Variants in DDX25 observed in about 807,000 individuals in gnomAD.
DDX25 encodes DEAD-box helicase 25.
DDX25 carries 70 observed loss-of-function variants against 64.6 expected under a neutral mutation model. That is an observed-to-expected ratio of 1.08 (90% CI 0.89 to 1.32). The LOEUF (loss-of-function observed/expected upper bound fraction) is 1.32. Among genes scored for constraint, DDX25 ranks in the 40% most tolerant of loss-of-function variants. The pLI, the probability that DDX25 is intolerant of heterozygous loss-of-function variation, is 0.00. For synonymous variants in DDX25, 211 were observed against 213.3 expected (o/e 0.99, Z 0.09); for missense variants, 587 against 604.4 (o/e 0.97, Z 0.30).
rs1409161084 is a variant in DDX25 at position 125,925,526 on chromosome 11, C to T, written c.*2645C>T. ...ATGGCCTGGCCAAGGTCATCTCTCT[C>T]AGTGCCTGCCTGAGGACAGAGTAGA... is the stretch of plus-strand genomic sequence containing the variant. On this transcript the variant is annotated 3_prime_UTR_variant, in exon 12 of 12. Transcript: ENST00000263576. 4.4e-6 allele frequency: 2 copies of T among 455,126 alleles called. No homozygotes were observed. The highest frequency in any genetic ancestry group is 4.7e-5 in the Admixed American group (2 of 42,534). 28.2% of individuals were successfully genotyped at this position (455,126 alleles called of 1,614,324 possible). A position where few individuals can be genotyped will look rare whatever the true frequency, so the allele number is the denominator to read the frequency against.
intron 10 of DDX25, among the ~76,000 whole-genome samples, chr11:125,919,338 T>C (rs1945081240): frequency 6.6e-6 from 1 of 152,174 alleles, no homozygotes; most frequent in Non-Finnish European, 1.5e-5. Context: ...CTATGATAGG[T>C]GTGCGTTTAG....
At chr11:125,918,814 G>C (rs544176345) in intron 10 of DDX25, 24 bp downstream of exon 10, 4 of 1,541,640 alleles carry the variant, frequency 2.6e-6, no homozygotes, top group Non-Finnish European at 3.5e-6. Flanking sequence ...GTCAGGTCTT[G>C]AGTTCTAATT....
intron 8 of DDX25, among the ~76,000 whole-genome samples, chr11:125,915,180 G>C (rs533684235): frequency 1.3e-5 from 2 of 152,278 alleles, no homozygotes; most frequent in East Asian, 3.9e-4. Context: ...ATTAGATAGA[G>C]CATTTATGTT....
At chr11:125,906,336 T>G in intron 4 of DDX25, 127 bp downstream of exon 4, 1 of 1,248,950 alleles carries the variant, frequency 8.0e-7, no homozygotes, top group Non-Finnish European at 1.1e-6. Context: ...TTTTTGTTAT[T>G]TGAGACAGAG....
rs1945149372 is a variant in DDX25 at position 125,924,297 on chromosome 11, C to G, written c.*1416C>G. The G allele has an allele frequency of 6.6e-6, 1 of 152,170 alleles. No homozygotes were observed. 9.4% of individuals were successfully genotyped at this position (152,170 alleles called of 1,614,324 possible). Reference sequence around the variant, plus strand: ...AAACGCGCTCCCCTCCCTCATTTAGCAACAGATATTTATTGTATACCCTTT... The same window carrying G: ...AAACGCGCTCCCCTCCCTCATTTAGGAACAGATATTTATTGTATACCCTTT... On this transcript the variant is annotated 3_prime_UTR_variant, in exon 12 of 12. Coordinates refer to ENST00000263576, the MANE Select transcript of DDX25 (RefSeq NM_013264.5).
In DDX25 at chr11:125,906,169, T is replaced by C; in HGVS notation, c.271T>C (p.Ser91Pro). Residue 91 changes from serine to proline, a missense_variant, in exon 4 of 12, where the codon TCT becomes CCT. By Grantham distance (74) the Ser-to-Pro change is moderately conservative. Transcript: ENST00000263576. ...GGAAGTTTTACAGAAGGATCCCAGC[T>C]CTCCACTTTACTCAGTAAAGACATT... ...RVEVLQKDPS[S>P]PLYSVKTFEE... The C allele has an allele frequency of 6.4e-7, 1 of 1,551,004 alleles. No individual in the cohort carries two copies. Among genetic ancestry groups the C allele is most frequent in the Non-Finnish European group, 8.7e-7 (1 of 1,146,790 alleles).
chr11:125,917,054 A>G lies in DDX25; in HGVS notation c.841A>G (p.Thr281Ala). 1 of 1,607,880 alleles carries G rather than the reference A, an allele frequency of 6.2e-7. No homozygotes were observed. Among genetic ancestry groups the G allele is most frequent in the Non-Finnish European group, 8.5e-7 (1 of 1,177,506 alleles). ...ATGCCAAATGCTCCTCTTTTCAGCA[A>G]CCTTTGAGGACTCTGTGTGGCACTT... ...SECQMLLFSATFEDSVWHFAE... is the reference protein window; with the variant it reads ...SECQMLLFSAAFEDSVWHFAE... The change falls in exon 9 of 12, where the codon ACC becomes GCC. Residue 281 changes from threonine (T) to alanine (A), a missense_variant. By Grantham distance (58) the Thr-to-Ala change is moderately conservative. Coordinates refer to ENST00000263576, the MANE Select transcript of DDX25 (RefSeq NM_013264.5).
chr11:125,911,670 C>T (rs1944970758), intron 8 of DDX25, among the ~76,000 whole-genome samples, 182 bp downstream of exon 8: 1 of 152,198 alleles, frequency 6.6e-6, no homozygotes, highest in African/African-American at 2.4e-5. Flanking sequence ...AGTTTTCCAG[C>T]TTCTTCAGTT....
At chr11:125,914,561 G>C (rs937748886) in intron 8 of DDX25, among the ~76,000 whole-genome samples, 4 of 152,152 alleles carry the variant, frequency 2.6e-5, no homozygotes, top group Non-Finnish European at 4.4e-5. Context: ...ACCTAAAGTA[G>C]GGGGATCCAC....
chr11:125,908,645 T>C lies in DDX25; in HGVS notation c.507+142T>C, dbSNP rs1038662103. ...CATGTTTTCATAAAATCATAGAGCA[T>C]TGGGTAGCAGCATGGGACAGTGATG... On this transcript the variant is annotated intron_variant, in intron 6 of 11. Coordinates refer to ENST00000263576, the MANE Select transcript of DDX25 (RefSeq NM_013264.5). 6.6e-6 allele frequency: 6 copies of C among 915,050 alleles called. No individual in the cohort carries two copies. The Admixed American group carries it at 1.1e-4, about 17-fold the overall frequency. The allele number at this position is 915,050 out of a possible 1,614,324, so 56.7% of individuals were successfully genotyped here.
Position 125,908,205 on chromosome 11 carries a change from G to A in DDX25, c.321G>A (p.Glu107=). The part of the protein sequence containing the change: ...KTFEELRLKE[E]LLKGIYAMGF... ...TTTTTTTTTTTGACAGAAAGGAAGA[G>A]TTACTAAAAGGAATCTATGCAATGG... is the stretch of plus-strand genomic sequence containing the variant. Residue 107 remains glutamate, a synonymous_variant, in exon 5 of 12, where the codon GAG becomes GAA. Transcript: ENST00000263576. The A allele has an allele frequency of 6.2e-7, 1 of 1,603,278 alleles. No homozygotes were observed. The highest frequency in any genetic ancestry group is 8.5e-7 in the Non-Finnish European group (1 of 1,174,840).
In DDX25 at chr11:125,921,483, G is replaced by A. The variant is rs141403895; in HGVS notation, c.1390+104G>A. On this transcript the variant is annotated intron_variant, in intron 11 of 11. Transcript: ENST00000263576. This position sits in a 1 kb window ranked among gnomAD's most constrained non-coding sequence, Gnocchi z 4.1. Reference sequence around the variant, plus strand: ...CCAGGGGCTCATGAGAGTAGTAGAAGCAGAATGCATGAGCTGGAAGGCTTC... The same window carrying A: ...CCAGGGGCTCATGAGAGTAGTAGAAACAGAATGCATGAGCTGGAAGGCTTC... 72 of 1,331,250 alleles carry A rather than the reference G, an allele frequency of 5.4e-5. No individual in the cohort carries two copies. The highest frequency in any genetic ancestry group is 7.0e-5 in the Non-Finnish European group (69 of 990,544). 82.5% of individuals were successfully genotyped at this position (1,331,250 alleles called of 1,614,324 possible). A position where few individuals can be genotyped will look rare whatever the true frequency, so the allele number is the denominator to read the frequency against.
At chr11:125,907,120 G>A (rs182534845) in intron 4 of DDX25, among the ~76,000 whole-genome samples, 70 of 152,140 alleles carry the variant, frequency 4.6e-4, no homozygotes, top group Middle Eastern at 3.4e-3. Flanking sequence ...CATTCCCTAG[G>A]GATTTATCAT....
intron 5 of DDX25, 23 bp downstream of exon 5, chr11:125,908,311 T>G (rs955183887): frequency 1.1e-5 from 18 of 1,613,104 alleles, no homozygotes; most frequent in Non-Finnish European, 1.4e-5. Context: ...GGTAGTGGTA[T>G]TCTACTTGGT....
chr11:125,906,315 T>C, intron 4 of DDX25, 106 bp downstream of exon 4: 1 of 1,255,836 alleles, frequency 8.0e-7, no homozygotes, highest in African/African-American at 2.0e-5. Flanking sequence ...TTTTCTGATA[T>C]TCAATATTTT....
chr11:125,912,790 T>A (rs1380990396), intron 8 of DDX25, among the ~76,000 whole-genome samples: 3 of 152,288 alleles, frequency 2.0e-5, no homozygotes, highest in Non-Finnish European at 2.9e-5. Flanking sequence ...GATCTTTAAT[T>A]TTCCCTTAGC....
chr11:125,915,029 A>C (rs756427845), intron 8 of DDX25, among the ~76,000 whole-genome samples: 13 of 152,210 alleles, frequency 8.5e-5, no homozygotes, highest in Non-Finnish European at 1.5e-4. Context: ...GCCAGGTCTC[A>C]AGTTCCTGGC....
chr11:125,905,466 G>A, intron 2 of DDX25, 87 bp from the exon 3 acceptor site: 1 of 1,435,658 alleles, frequency 7.0e-7, no homozygotes, highest in Non-Finnish European at 9.6e-7. Flanking sequence ...ACACTGAAGA[G>A]TCAGGAAGAA....
Position 125,908,251 on chromosome 11 carries a change from A to G in DDX25, c.367A>G (p.Ile123Val). The change falls in exon 5 of 12, where the codon ATC becomes GTC. Residue 123 changes from isoleucine (I) to valine (V), a missense_variant. Transcript: ENST00000263576. ...YAMGFNRPSK[I>V]QEMALPMMLA... Reference sequence around the variant, plus strand: ...AATGGGATTTAATAGGCCATCTAAAATCCAAGAGATGGCTCTCCCTATGAT... The same window carrying G: ...AATGGGATTTAATAGGCCATCTAAAGTCCAAGAGATGGCTCTCCCTATGAT... 2 of 1,613,606 alleles carry G rather than the reference A, an allele frequency of 1.2e-6. No homozygotes were observed. Among genetic ancestry groups the G allele is most frequent in the Non-Finnish European group, 1.7e-6 (2 of 1,179,682 alleles).
Sources: gnomAD v4.1 joint callset for allele counts (sites outside exome capture counted in the v4.1 genomes callset) on GRCh38, gnomAD v4.1.1 for gene constraint, Gnocchi (gnomAD v3.1) non-coding constraint, MANE v1.5 for transcripts, NCBI Gene and HGNC (gene_info 2026-07-23, HGNC 2026-07-21) for gene names.